Variants in RNF185 observed in about 807,000 individuals in gnomAD.
RNF185 encodes ring finger protein 185.
Under a neutral mutation model 24.9 loss-of-function variants are expected in RNF185, and 13 were observed. The observed-to-expected ratio is 0.52, with a 90% confidence interval of 0.34 to 0.83. The LOEUF (loss-of-function observed/expected upper bound fraction) is 0.83, where lower values mean the gene tolerates loss of function less well. Among genes scored for constraint, RNF185 ranks in the 40% least tolerant of loss-of-function variants. RNF185 has a pLI of 0.01. For synonymous variants in RNF185, 79 were observed against 90.3 expected, an observed-to-expected ratio of 0.88 and a Z score of 0.71; for missense variants, 184 against 244.7, an observed-to-expected ratio of 0.75 and a Z score of 1.65.
chr22:31,205,535 C>T lies in RNF185; in HGVS notation c.*949C>T, dbSNP rs1400434033. 1 of 151,770 alleles carries T rather than the reference C, an allele frequency of 6.6e-6. No individual in the cohort carries two copies. The highest frequency in any genetic ancestry group is 2.4e-5 in the African/African-American group (1 of 41,400). 9.4% of individuals were successfully genotyped at this position (151,770 alleles called of 1,614,324 possible). ...CTGCAGAAGCTTGAATGCATCCTCT[C>T]CCAGAACCTGCCACAGGAAACTGGG... On this transcript the variant is annotated 3_prime_UTR_variant, in exon 7 of 7. Coordinates refer to ENST00000326132, the MANE Select transcript of RNF185 (RefSeq NM_152267.4).
intron 1 of RNF185, among the ~76,000 whole-genome samples, chr22:31,181,382 A>AAC (rs1031132579): frequency 2.6e-5 from 4 of 152,228 alleles, no homozygotes; most frequent in African/African-American, 7.2e-5. Context: ...GTAATTTTCA[A>AAC]ACACACACAC....
chr22:31,181,286 G>A (rs2048033829), intron 1 of RNF185, among the ~76,000 whole-genome samples: 1 of 151,926 alleles, frequency 6.6e-6, no homozygotes, highest in Non-Finnish European at 1.5e-5. Flanking sequence ...TGAGCTTGCA[G>A]TGAGCTGTGA....
At chr22:31,168,002 C>T (rs897816938) in intron 1 of RNF185, among the ~76,000 whole-genome samples, 1 of 152,120 alleles carries the variant, frequency 6.6e-6, no homozygotes, top group Non-Finnish European at 1.5e-5. Flanking sequence ...TAAGTACATT[C>T]ATGTTCTAGA....
chr22:31,190,778 A>AT (rs1269393322), intron 2 of RNF185, among the ~76,000 whole-genome samples: 5 of 150,116 alleles, frequency 3.3e-5, no homozygotes. Flanking sequence ...TAGTTTTTGT[A>AT]TTTTTAATAG....
At chr22:31,186,607 A>AAT (rs900293049) in intron 1 of RNF185, among the ~76,000 whole-genome samples, 17 of 152,122 alleles carry the variant, frequency 1.1e-4, no homozygotes, top group South Asian at 6.2e-4. Context: ...ATCTCTTAAA[A>AAT]ATATATATAT....
chr22:31,202,990 C>T (rs192786808), intron 6 of RNF185, among the ~76,000 whole-genome samples: 3 of 152,278 alleles, frequency 2.0e-5, no homozygotes, highest in Admixed American at 2.0e-4. Context: ...AGGAAGTATA[C>T]CCCAAAAGAT....
chr22:31,204,401 G>T (rs2048294887), intron 6 of RNF185, 88 bp from the exon 7 acceptor site: 3 of 792,562 alleles, frequency 3.8e-6, no homozygotes, highest in African/African-American at 1.7e-5. Context: ...AAGAGATAAA[G>T]ATTGATGCTG....
chr22:31,162,932 T>G (rs929239453), intron 1 of RNF185, among the ~76,000 whole-genome samples: 3 of 151,838 alleles, frequency 2.0e-5, no homozygotes, highest in Admixed American at 6.6e-5. Flanking sequence ...GACTGGCTAA[T>G]TTTTTGTATT....
intron 2 of RNF185, among the ~76,000 whole-genome samples, chr22:31,189,382 C>G (rs1343880050): frequency 5.6e-5 from 8 of 141,926 alleles, no homozygotes. Flanking sequence ...ACCTCTGCCT[C>G]CTGGGCTCAA....
At chr22:31,189,595 C>T (rs1369290045) in intron 2 of RNF185, among the ~76,000 whole-genome samples, 5 of 149,490 alleles carry the variant, frequency 3.3e-5, no homozygotes, top group Non-Finnish European at 7.4e-5. Context: ...CCATGCCTGG[C>T]CCTGTGTCAA....
chr22:31,160,981 C>A (rs1046173643), intron 1 of RNF185, among the ~76,000 whole-genome samples: 1 of 152,142 alleles, frequency 6.6e-6, no homozygotes, highest in Non-Finnish European at 1.5e-5. Flanking sequence ...ATCCATTCTT[C>A]GCTTTGAGGC....
At position 31,178,059 on chromosome 22, in the gene RNF185, G is replaced by T. The variant is rs556519536; in HGVS notation, c.-48-8988G>T. On this transcript the variant is annotated intron_variant, in intron 1 of 6. Transcript: ENST00000326132. ...GATACTGGGTCAGTCAACTTCAGCC[G>T]CCAGGCTCTGTGTTCCTACAGGATC... 2.0e-5 allele frequency among the ~76,000 whole-genome samples: 3 copies of T among 152,278 alleles called. No individual in the cohort carries two copies. The South Asian group carries it at 6.2e-4, about 32-fold the overall frequency.
chr22:31,203,747 T>A (rs2048285747), intron 6 of RNF185, among the ~76,000 whole-genome samples: 1 of 152,090 alleles, frequency 6.6e-6, no homozygotes, highest in Admixed American at 6.6e-5. Flanking sequence ...GTTTAGAAAT[T>A]TTTTTTGGCT....
chr22:31,191,635 A>C (rs1042581482), intron 2 of RNF185, among the ~76,000 whole-genome samples: 1 of 152,186 alleles, frequency 6.6e-6, no homozygotes, highest in Non-Finnish European at 1.5e-5. Flanking sequence ...GTTTGAGACC[A>C]GCCTGACTAA....
intron 1 of RNF185, among the ~76,000 whole-genome samples, chr22:31,161,453 A>G (rs1923571015): frequency 6.6e-6 from 1 of 152,194 alleles, no homozygotes; most frequent in Admixed American, 6.5e-5. Context: ...ACCTTACATA[A>G]TCTCTTCCTG....
intron 1 of RNF185, among the ~76,000 whole-genome samples, chr22:31,161,373 C>CT (rs1464091563): frequency 6.6e-6 from 1 of 152,194 alleles, no homozygotes; most frequent in African/African-American, 2.4e-5. Context: ...GCAAATGTGA[C>CT]TTTTTTCTTC....
intron 1 of RNF185, among the ~76,000 whole-genome samples, chr22:31,168,431 T>C (rs1396789347): frequency 6.6e-6 from 1 of 152,230 alleles, no homozygotes; most frequent in Non-Finnish European, 1.5e-5. Context: ...TAAAATGATT[T>C]TCCGTTGTAT....
chr22:31,195,374 T>C, intron 3 of RNF185, 95 bp from the exon 4 acceptor site: 1 of 701,690 alleles, frequency 1.4e-6, no homozygotes, highest in South Asian at 1.9e-5. Context: ...TGTTTCCCAG[T>C]TTGAGGCCTC....
rs948292465 is a variant in RNF185, at chr22:31,187,342, G to C, written c.176+72G>C. On this transcript the variant is annotated intron_variant, in intron 2 of 6. Coordinates refer to ENST00000326132, the MANE Select transcript of RNF185 (RefSeq NM_152267.4). Reference sequence around the variant, plus strand: ...AAAGCCTGTGGCCCTGGGTGGTTTGGAGCAGAATGCTTCCTGCTCACTTTG... The same window carrying C: ...AAAGCCTGTGGCCCTGGGTGGTTTGCAGCAGAATGCTTCCTGCTCACTTTG... The C allele has an allele frequency of 1.7e-5, 26 of 1,523,248 alleles. No homozygotes were observed. In the South Asian group the frequency reaches 2.3e-4, roughly 13 times the overall value. The allele number at this position is 1,523,248 out of a possible 1,614,324, so 94.4% of individuals were successfully genotyped here.
Sources: allele counts gnomAD v4.1 joint callset (sites outside exome capture counted in the v4.1 genomes callset), GRCh38; gene constraint gnomAD v4.1.1; transcripts MANE v1.5; gene names NCBI Gene and HGNC (gene_info 2026-07-23, HGNC 2026-07-21).